KIAA1549: variants seen among roughly 807,000 people sequenced by gnomAD.
KIAA1549 encodes the protein KIAA1549.
In KIAA1549, 70 loss-of-function variants were observed where a neutral mutation model predicts 156.4. That is an observed-to-expected ratio of 0.45 (90% CI 0.37 to 0.55). The LOEUF (loss-of-function observed/expected upper bound fraction) is 0.55, where lower values mean the gene tolerates loss of function less well. Among genes scored for constraint, KIAA1549 ranks in the 20% least tolerant of loss-of-function variants. The probability of loss-of-function intolerance (pLI) is 0.00; values close to 1 mark genes in which losing one functional copy is unlikely to be tolerated. For missense variants in KIAA1549, 2,428 were observed against 2,540.9 expected, an observed-to-expected ratio of 0.96 and a Z score of 0.96; for synonymous variants, 1,103 against 1,066.4, an observed-to-expected ratio of 1.03 and a Z score of -0.67.
At chr7:138,950,462 A>G (rs2130538973) in intron 1 of KIAA1549, among the ~76,000 whole-genome samples, 1 of 152,302 alleles carries the variant, frequency 6.6e-6, no homozygotes, top group African/African-American at 2.4e-5. Flanking sequence ...TTAAGCGTGC[A>G]GGGAGATGAA....
chr7:138,873,753 T>G (rs1283603239), intron 12 of KIAA1549, among the ~76,000 whole-genome samples: 2 of 151,702 alleles, frequency 1.3e-5, no homozygotes, highest in Non-Finnish European at 2.9e-5. Context: ...GCTGAACTGT[T>G]CACAGACTGC....
In KIAA1549 at chr7:138,834,090, G is replaced by C. The variant is rs967115949; in HGVS notation, c.*3816C>G. The C allele has an allele frequency of 4.5e-6, 1 of 224,436 alleles. No homozygotes were observed. The highest frequency in any genetic ancestry group is 8.9e-6 in the Non-Finnish European group (1 of 112,582). The allele number at this position is 224,436 out of a possible 1,614,324, so 13.9% of individuals were successfully genotyped here. On this transcript the variant is annotated 3_prime_UTR_variant, in exon 20 of 20. Coordinates refer to ENST00000422774, the MANE Select transcript of KIAA1549 (RefSeq NM_001164665.2). ...CTTCAAAGTCACTTCAGAAGTTGACGTCTCCCCAAGATATTGCATTTCCAA... is the reference window on the plus strand; with the variant it reads ...CTTCAAAGTCACTTCAGAAGTTGACCTCTCCCCAAGATATTGCATTTCCAA...
chr7:138,893,251 T>A (rs546196264), intron 10 of KIAA1549, among the ~76,000 whole-genome samples: 32 of 152,328 alleles, frequency 2.1e-4, no homozygotes, highest in Non-Finnish European at 3.2e-4. Flanking sequence ...AAAAATCTGC[T>A]GTCAAATTAG....
At position 138,917,592 on chromosome 7, in the gene KIAA1549, C is replaced by A. The variant is rs1284156040; in HGVS notation, c.2034G>T (p.Leu678=). Residue 678 remains leucine (L), a synonymous_variant, in exon 2 of 20, where the codon CTG becomes CTT. Transcript: ENST00000422774. ...ETFTLFDSSD[L]QSSQLSLPSS... ...TGGGAAGAGACAGCTGAGATGACTG[C>A]AGATCACTAGAGTCAAACAATGTAA... 7 of 1,613,844 alleles carry A rather than the reference C, an allele frequency of 4.3e-6. No individual in the cohort carries two copies. The East Asian group carries it at 8.9e-5, about 21-fold the overall frequency.
At chr7:138,856,198 A>AT (rs35974085) in intron 16 of KIAA1549, among the ~76,000 whole-genome samples, 2,688 of 144,086 alleles carry the variant, frequency 0.019, 54 homozygotes, top group African/African-American at 0.06. Context: ...CGCCCAGCGA[A>AT]TTTTTTTTTT....
intron 17 of KIAA1549, among the ~76,000 whole-genome samples, chr7:138,848,516 C>G (rs1004915303): frequency 3.9e-5 from 6 of 152,082 alleles, no homozygotes; most frequent in Non-Finnish European, 8.8e-5. Context: ...GAAAGAAATC[C>G]AATGTGGTTG....
At chr7:138,872,842 T>TG (rs1703633651) in intron 12 of KIAA1549, among the ~76,000 whole-genome samples, 1 of 152,066 alleles carries the variant, frequency 6.6e-6, no homozygotes, top group Non-Finnish European at 1.5e-5. Flanking sequence ...AGGTAGAGGG[T>TG]GCAGTGAGCC....
intron 1 of KIAA1549, among the ~76,000 whole-genome samples, chr7:138,941,513 TAG>T (rs1489216312): frequency 6.6e-6 from 1 of 152,246 alleles, no homozygotes; most frequent in Admixed American, 6.5e-5. Context: ...CTTCCTGTAC[TAG>T]AGTTTCTACA....
intron 1 of KIAA1549, among the ~76,000 whole-genome samples, chr7:138,928,216 C>T (rs1404803541): frequency 3.9e-5 from 6 of 152,118 alleles, no homozygotes; most frequent in Non-Finnish European, 1.5e-5. Flanking sequence ...CCACCACGCC[C>T]GGCCTACTAT....
At position 138,834,337 on chromosome 7, in the gene KIAA1549, C is replaced by T. The variant is rs566755857; in HGVS notation, c.*3569G>A. On this transcript the variant is annotated 3_prime_UTR_variant, in exon 20 of 20. Transcript: ENST00000422774. ...TAGTTTTTGTATTTTTTTGTAGAGA[C>T]GGGGTTTTGCCATGTTGCCTGGGCT... is the stretch of plus-strand genomic sequence containing the variant. 5.8e-5 allele frequency: 11 copies of T among 188,246 alleles called. No homozygotes were observed. Among genetic ancestry groups the T allele is most frequent in the Non-Finnish European group, 1.0e-4 (9 of 89,404 alleles). The allele number at this position is 188,246 out of a possible 1,614,324, so 11.7% of individuals were successfully genotyped here. A position where few individuals can be genotyped will look rare whatever the true frequency, so the allele number is the denominator to read the frequency against.
chr7:138,954,093 C>T (rs188230992), intron 1 of KIAA1549, among the ~76,000 whole-genome samples: 97 of 152,172 alleles, frequency 6.4e-4, no homozygotes, highest in African/African-American at 2.3e-3. Context: ...AAAGGATATA[C>T]GCACAAGAAG....
chr7:138,835,910 T>C lies in KIAA1549; in HGVS notation c.*1996A>G. 4.6e-6 allele frequency: 1 copy of C among 217,468 alleles called. No homozygotes were observed. The highest frequency in any genetic ancestry group is 2.2e-5 in the African/African-American group (1 of 44,588). The allele number at this position is 217,468 out of a possible 1,614,324, so 13.5% of individuals were successfully genotyped here. A position where few individuals can be genotyped will look rare whatever the true frequency, so the allele number is the denominator to read the frequency against. Reference sequence around the variant, plus strand: ...GAGACTTACTCTCCTGCACTCCTTCTCTTTCAGAGGTGCCCAGATGAAAAC... The same window carrying C: ...GAGACTTACTCTCCTGCACTCCTTCCCTTTCAGAGGTGCCCAGATGAAAAC... On this transcript the variant is annotated 3_prime_UTR_variant, in exon 20 of 20. Transcript: ENST00000422774.
chr7:138,945,485 C>G (rs1179887268), intron 1 of KIAA1549, among the ~76,000 whole-genome samples: 4 of 152,234 alleles, frequency 2.6e-5, no homozygotes, highest in African/African-American at 9.6e-5. Flanking sequence ...CCTCACCTGG[C>G]AGAAGGTGAC....
rs1488198601 is a variant in KIAA1549, at chr7:138,919,283, C to CAGACGGCGGGGCTGTGACATGGAG, written c.319_342dup (p.Leu107_Ser114dup). ...AAAAAGGCTGTATCAAAAGTAGTGG[C>CAGACGGCGGGGCTGTGACATGGAG]AGACGGCGGGGCTGTGACATGGAGA... On this transcript the variant is annotated inframe_insertion, in exon 2 of 20. Coordinates refer to ENST00000422774, the MANE Select transcript of KIAA1549 (RefSeq NM_001164665.2). 1 of 1,614,014 alleles carries CAGACGGCGGGGCTGTGACATGGAG rather than the reference C, an allele frequency of 6.2e-7. No individual in the cohort carries two copies. The highest frequency in any genetic ancestry group is 8.5e-7 in the Non-Finnish European group (1 of 1,179,902).
At position 138,916,454 on chromosome 7, in the gene KIAA1549, A is replaced by T. The variant is rs867308055; in HGVS notation, c.2878+294T>A. ...ACCATCCCGTGCATGCCTCTGATGT[A>T]CTAGGCAAGGGCTGAGCGTTCTGCA... On this transcript the variant is annotated intron_variant, in intron 2 of 19. Transcript: ENST00000422774. Among the ~76,000 whole-genome samples the T allele has an allele frequency of 2.6e-5, 4 of 152,340 alleles. No homozygotes were observed. The South Asian group carries it at 8.3e-4, about 32-fold the overall frequency.
intron 1 of KIAA1549, among the ~76,000 whole-genome samples, chr7:138,964,622 A>G (rs1270413210): frequency 1.3e-5 from 2 of 152,188 alleles, no homozygotes; most frequent in African/African-American, 4.8e-5. Flanking sequence ...TGCAAAGAGA[A>G]CCTTATTCAA....
intron 17 of KIAA1549, among the ~76,000 whole-genome samples, chr7:138,847,782 A>G (rs1810121455): frequency 6.6e-6 from 1 of 152,204 alleles, no homozygotes; most frequent in Admixed American, 6.5e-5. Context: ...ATTAAAAAGG[A>G]ATTACTGGGA....
At chr7:138,909,809 T>C (rs1004218795) in intron 4 of KIAA1549, among the ~76,000 whole-genome samples, 1 of 151,960 alleles carries the variant, frequency 6.6e-6, no homozygotes, top group Non-Finnish European at 1.5e-5. Context: ...TAGCCGGACA[T>C]GGTGGTGGGT....
At position 138,835,561 on chromosome 7, in the gene KIAA1549, T is replaced by C. The variant is rs1246722276; in HGVS notation, c.*2345A>G. The C allele has an allele frequency of 4.5e-6, 1 of 224,278 alleles. No homozygotes were observed. The highest frequency in any genetic ancestry group is 8.9e-6 in the Non-Finnish European group (1 of 112,538). 13.9% of individuals were successfully genotyped at this position (224,278 alleles called of 1,614,324 possible). On this transcript the variant is annotated 3_prime_UTR_variant, in exon 20 of 20. Coordinates refer to ENST00000422774, the MANE Select transcript of KIAA1549 (RefSeq NM_001164665.2). ...CTCTATGTGCAAGCCTGTATGGCCC[T>C]GAGCGGAACTGGGTGAGAAGGGGCC...
Sources: gnomAD v4.1 joint callset for allele counts (sites outside exome capture counted in the v4.1 genomes callset) on GRCh38, gnomAD v4.1.1 for gene constraint, MANE v1.5 for transcripts, NCBI Gene and HGNC (gene_info 2026-07-23, HGNC 2026-07-21) for gene names.